IDUA: variants seen among roughly 807,000 people sequenced by gnomAD.
IDUA encodes iduronidase alpha-L-.
A neutral mutation model predicts 68.9 loss-of-function variants in IDUA; 65 were observed. That is an observed-to-expected ratio of 0.94 (90% confidence interval 0.77 to 1.16). The LOEUF is 1.16. Ranked by LOEUF, IDUA falls within the 50% of genes most tolerant of loss-of-function variation. The pLI, the probability that IDUA is intolerant of heterozygous loss-of-function variation, is 0.00. For missense variants in IDUA, 1,046 were observed against 938.0 expected (o/e 1.12, Z -1.50); for synonymous variants, 529 against 433.6 (o/e 1.22, Z -2.73).
At chr4:987,333 G>T in intron 1 of IDUA, 91 bp downstream of exon 1, 1 of 1,244,756 alleles carries the variant, frequency 8.0e-7, no homozygotes, top group South Asian at 1.3e-5. Context: ...TCAGAGACCG[G>T]AGCTCCCTCC....
At chr4:998,117 T>G in intron 2 of IDUA, among the ~76,000 whole-genome samples, 1 of 150,682 alleles carries the variant, frequency 6.6e-6, no homozygotes. Context: ...GTCCTTTGGA[T>G]GGAGGGGAGG....
At chr4:993,637 G>GT (rs1032244825) in intron 2 of IDUA, among the ~76,000 whole-genome samples, 3 of 152,206 alleles carry the variant, frequency 2.0e-5, no homozygotes, top group Non-Finnish European at 1.5e-5. Flanking sequence ...CTGCCGGGGG[G>GT]GCTTAGGGAC....
At chr4:991,518 C>A in intron 2 of IDUA, 1 of 1,608,046 alleles carries the variant, frequency 6.2e-7, no homozygotes, top group Non-Finnish European at 8.5e-7. Context: ...GCGGGCGGTA[C>A]TGACGCAGCC....
At chr4:992,557 G>T (rs1396417193) in intron 2 of IDUA, among the ~76,000 whole-genome samples, 1 of 152,212 alleles carries the variant, frequency 6.6e-6, no homozygotes, top group Non-Finnish European at 1.5e-5. Context: ...ACTGGCGTCT[G>T]TCTCCCCTGC....
chr4:1,003,718 C>T, intron 12 of IDUA, 93 bp downstream of exon 12: 1 of 1,409,314 alleles, frequency 7.1e-7, no homozygotes, highest in Non-Finnish European at 9.9e-7. Context: ...GGGCCACTTG[C>T]CGTGGCCCAT....
Position 1,001,505 on chromosome 4 carries a change from C to G in IDUA, c.531C>G (p.Phe177Leu), listed in dbSNP as rs769331894. Residue 177 changes from phenylalanine (F) to leucine (L), a missense_variant, in exon 5 of 14, where the codon TTC becomes TTG. Coordinates refer to ENST00000514224, the MANE Select transcript of IDUA (RefSeq NM_000203.5). ...TGGCGCATGTTTCCAAGTGGAACTTCGAGACGTGGAATGAGCCAGACCACC... is the reference window on the plus strand; with the variant it reads ...TGGCGCATGTTTCCAAGTGGAACTTGGAGACGTGGAATGAGCCAGACCACC... ...YGLAHVSKWNFETWNEPDHHD... is the reference protein window; with the variant it reads ...YGLAHVSKWNLETWNEPDHHD... 2.5e-6 allele frequency: 4 copies of G among 1,613,082 alleles called. No individual in the cohort carries two copies. In the African/African-American group the frequency reaches 4.0e-5, roughly 16 times the overall value.
chr4:987,017 A>C, upstream of IDUA: 1 of 1,256,604 alleles, frequency 8.0e-7, no homozygotes, highest in Non-Finnish European at 1.0e-6. Context: ...GTGCGCGCCC[A>C]GACTCCGACC....
In IDUA at chr4:1,003,140, C is replaced by A. The variant is rs1047330206; in HGVS notation, c.1507C>A (p.Arg503Ser). Residue 503 changes from arginine to serine, a missense_variant, in exon 10 of 14, where the codon CGC (arginine) becomes AGC (serine). By Grantham distance (110) the Arg-to-Ser change is moderately radical (BLOSUM62 -1). Transcript: ENST00000514224. ...CTTCCCCACGGCAGAGCAGTTCCGGCGCATGCGCGCGGCTGAGGTAGGTGG... is the reference window on the plus strand; with the variant it reads ...CTTCCCCACGGCAGAGCAGTTCCGGAGCATGCGCGCGGCTGAGGTAGGTGG... ...PVFPTAEQFR[R>S]MRAAEDPVAA... 6.9e-7 allele frequency: 1 copy of A among 1,445,058 alleles called. No individual in the cohort carries two copies. Among genetic ancestry groups the A allele is most frequent in the Admixed American group, 2.5e-5 (1 of 40,686 alleles). 89.5% of individuals were successfully genotyped at this position (1,445,058 alleles called of 1,614,324 possible). A position where few individuals can be genotyped will look rare whatever the true frequency, so the allele number is the denominator to read the frequency against.
intron 2 of IDUA, among the ~76,000 whole-genome samples, chr4:996,580 C>G (rs536831357): frequency 2.6e-5 from 4 of 152,216 alleles, no homozygotes; most frequent in African/African-American, 4.8e-5. Context: ...CAGGAACAGC[C>G]TCAGCCGCAC....
intron 2 of IDUA, chr4:991,098 C>T: frequency 6.6e-7 from 1 of 1,515,258 alleles, no homozygotes; most frequent in South Asian, 1.3e-5. Flanking sequence ...TGCCCTGGGC[C>T]CCTCCCTGTG....
At chr4:990,632 A>G in intron 2 of IDUA, 1 of 506,656 alleles carries the variant, frequency 2.0e-6, no homozygotes, top group Non-Finnish European at 3.5e-6. Flanking sequence ...CACGTGCAGC[A>G]GCCCGTTTTA....
chr4:989,934 G>A, intron 2 of IDUA: 3 of 1,557,382 alleles, frequency 1.9e-6, no homozygotes, highest in Non-Finnish European at 2.6e-6. Context: ...GCATCAGCCT[G>A]GGCTCTGGGA....
chr4:999,192 G>A (rs1487783919), intron 2 of IDUA, among the ~76,000 whole-genome samples: 3 of 147,470 alleles, frequency 2.0e-5, no homozygotes, highest in Admixed American at 6.7e-5. Flanking sequence ...GCAACAGAGT[G>A]AGACTCTGTC....
chr4:988,222 C>G (rs2153015842), intron 2 of IDUA: 12 of 1,316,286 alleles, frequency 9.1e-6, no homozygotes, highest in South Asian at 3.7e-5. Context: ...GTGAGCATCC[C>G]TGTGTGTGTC....
At chr4:987,348 G>T (rs1198120561) in intron 1 of IDUA, 106 bp downstream of exon 1, 10 of 1,127,000 alleles carry the variant, frequency 8.9e-6, no homozygotes, top group African/African-American at 4.9e-5. Context: ...CCCTCCTCTG[G>T]GGCCCTGGCT....
At position 1,003,023 on chromosome 4, in the gene IDUA, T is replaced by A. The variant is rs1715203325; in HGVS notation, c.1403-13T>A. On this transcript the variant is annotated splice_polypyrimidine_tract_variant and intron_variant, in intron 9 of 13. Coordinates refer to ENST00000514224, the MANE Select transcript of IDUA (RefSeq NM_000203.5). The stretch of plus-strand genomic sequence containing the variant: ...GGCCCGGGGAGCCGAGGCCTGAGTG[T>A]CAGGCCCCGCAGGCCTGGTCTACGT... 2 of 1,475,522 alleles carry A rather than the reference T, an allele frequency of 1.4e-6. No individual in the cohort carries two copies. The highest frequency in any genetic ancestry group is 8.9e-7 in the Non-Finnish European group (1 of 1,119,468). The allele number at this position is 1,475,522 out of a possible 1,614,324, so 91.4% of individuals were successfully genotyped here. A position where few individuals can be genotyped will look rare whatever the true frequency, so the allele number is the denominator to read the frequency against.
intron 2 of IDUA, chr4:989,832 G>A (rs1577514961): frequency 6.3e-7 from 1 of 1,580,718 alleles, no homozygotes. Context: ...CACGCACAGA[G>A]TAGCCGTGAC....
intron 10 of IDUA, 38 bp from the exon 11 acceptor site, chr4:1,003,306 CT>C: frequency 2.1e-6 from 3 of 1,406,226 alleles, no homozygotes; most frequent in Non-Finnish European, 1.8e-6. Context: ...GCGTCCCCAG[CT>C]CCCCTGGAGA....
At chr4:989,759 C>A (rs774214260) in intron 2 of IDUA, 1 of 1,558,616 alleles carries the variant, frequency 6.4e-7, no homozygotes, top group Non-Finnish European at 8.7e-7. Flanking sequence ...GCGCTGGTGG[C>A]GAAGCAGTGG....
Sources: allele counts gnomAD v4.1 joint callset (sites outside exome capture counted in the v4.1 genomes callset), GRCh38; gene constraint gnomAD v4.1.1; transcripts MANE v1.5; gene names NCBI Gene and HGNC (gene_info 2026-07-23, HGNC 2026-07-21).